PTPRD: variants seen among roughly 807,000 people sequenced by gnomAD.
PTPRD encodes the protein receptor-type tyrosine-protein phosphatase delta.
In PTPRD, 34 loss-of-function variants were observed where a neutral mutation model predicts 214.5. That is an observed-to-expected ratio of 0.16 (90% CI 0.12 to 0.21). The LOEUF (loss-of-function observed/expected upper bound fraction) is 0.21, where lower values mean the gene tolerates loss of function less well. Among genes scored for constraint, PTPRD ranks in the 10% least tolerant of loss-of-function variants. The pLI is 1.00. For missense variants in PTPRD, 2,545 were observed against 2,398.7 expected, an observed-to-expected ratio of 1.06 and a Z score of -1.27; for synonymous variants, 1,128 against 845.7, an observed-to-expected ratio of 1.33 and a Z score of -5.79.
intron 3 of PTPRD, among the ~76,000 whole-genome samples, chr9:10,180,409 G>T (rs1439275623): frequency 6.6e-6 from 1 of 151,646 alleles, no homozygotes; most frequent in Non-Finnish European, 1.5e-5. Flanking sequence ...TGTTCAGTTG[G>T]GTTGAGACAC....
In PTPRD at chr9:9,467,234, T is replaced by TTTTTTTTC. The variant is rs1569568586; in HGVS notation, c.-236-69753_-236-69752insGAAAAAAA. Among the ~76,000 whole-genome samples, 9 of 123,050 alleles carry TTTTTTTTC rather than the reference T, an allele frequency of 7.3e-5. 1 individual carries two copies. In the East Asian group the frequency reaches 8.2e-4, roughly 11 times the overall value. The allele number at this position is 123,050 out of a possible 152,430, so 80.7% of individuals were successfully genotyped here. A position where few individuals can be genotyped will look rare whatever the true frequency, so the allele number is the denominator to read the frequency against. Reference sequence around the variant, plus strand: ...TTATCTTTTTTTTTTTTTTTTTTTTTTTTAACCTAATGCTTCCCAGTTTTT... The same window carrying TTTTTTTTC: ...TTATCTTTTTTTTTTTTTTTTTTTTTTTTTTTTCTTTAACCTAATGCTTCCCAGTTTTT... On this transcript the variant is annotated intron_variant, in intron 8 of 45. Coordinates refer to ENST00000381196, the MANE Select transcript of PTPRD (RefSeq NM_002839.4).
chr9:9,481,637 A>G, intron 8 of PTPRD, among the ~76,000 whole-genome samples: 1 of 152,166 alleles, frequency 6.6e-6, no homozygotes, highest in Middle Eastern at 3.2e-3. Context: ...ATTGTAAAAC[A>G]TACTTGGTAG....
At chr9:8,707,048 T>C (rs974802392) in intron 12 of PTPRD, among the ~76,000 whole-genome samples, 7 of 152,234 alleles carry the variant, frequency 4.6e-5, no homozygotes, top group Non-Finnish European at 8.8e-5. Context: ...CAATTAATGA[T>C]TTAATTACCT....
At chr9:10,057,890 C>G (rs1424895002) in intron 3 of PTPRD, among the ~76,000 whole-genome samples, 3 of 150,752 alleles carry the variant, frequency 2.0e-5, no homozygotes, top group Non-Finnish European at 4.4e-5. Flanking sequence ...TGGAATAATT[C>G]AGGACTTGAA....
At chr9:9,690,080 G>C (rs532045869) in intron 7 of PTPRD, among the ~76,000 whole-genome samples, 1 of 151,826 alleles carries the variant, frequency 6.6e-6, no homozygotes, top group Non-Finnish European at 1.5e-5. Flanking sequence ...ATTTTCCCTA[G>C]TAGCTGTACT....
At chr9:9,934,571 A>G (rs941974399) in intron 5 of PTPRD, among the ~76,000 whole-genome samples, 7 of 151,468 alleles carry the variant, frequency 4.6e-5, no homozygotes, top group African/African-American at 7.3e-5. Context: ...ATCTGAAATT[A>G]TGGCAATAAT....
At chr9:9,486,100 G>A (rs1039749393) in intron 8 of PTPRD, among the ~76,000 whole-genome samples, 6 of 124,878 alleles carry the variant, frequency 4.8e-5, no homozygotes, top group South Asian at 2.7e-4. Context: ...GTGGTGAGTC[G>A]AGATCACGCC....
At chr9:9,331,220 TA>T (rs2042192119) in intron 9 of PTPRD, among the ~76,000 whole-genome samples, 1 of 152,120 alleles carries the variant, frequency 6.6e-6, no homozygotes, top group Admixed American at 6.6e-5. Flanking sequence ...TCCCCTCTTT[TA>T]TAACTTTAGC....
chr9:8,759,984 C>T (rs1039246574), intron 11 of PTPRD, among the ~76,000 whole-genome samples: 3 of 152,148 alleles, frequency 2.0e-5, no homozygotes, highest in African/African-American at 7.2e-5. Context: ...GTCCCTTCTC[C>T]CTACTAATCA....
intron 5 of PTPRD, among the ~76,000 whole-genome samples, chr9:9,908,428 T>A (rs1159151156): frequency 6.6e-6 from 1 of 151,984 alleles, no homozygotes; most frequent in African/African-American, 2.4e-5. Flanking sequence ...AAGTACTGGA[T>A]CCACACCTTG....
At chr9:9,627,393 G>T (rs554583055) in intron 7 of PTPRD, among the ~76,000 whole-genome samples, 1 of 152,288 alleles carries the variant, frequency 6.6e-6, no homozygotes, top group Non-Finnish European at 1.5e-5. Flanking sequence ...GTATTCGTTT[G>T]TCATCTATGT....
At chr9:8,749,856 C>T (rs1020211581) in intron 11 of PTPRD, among the ~76,000 whole-genome samples, 88 of 152,228 alleles carry the variant, frequency 5.8e-4, no homozygotes, top group African/African-American at 2.0e-3. Context: ...AATCACAACA[C>T]TTTGGGAGGC....
chr9:9,575,639 G>C (rs1315044880), intron 7 of PTPRD, among the ~76,000 whole-genome samples: 4 of 141,326 alleles, frequency 2.8e-5, no homozygotes, highest in African/African-American at 1.1e-4. Context: ...AGAATCACTG[G>C]AACCCGGGAG....
chr9:10,081,967 C>A (rs1343837991), intron 3 of PTPRD, among the ~76,000 whole-genome samples: 1 of 151,992 alleles, frequency 6.6e-6, no homozygotes, highest in Non-Finnish European at 1.5e-5. Context: ...ACTTAGGCCA[C>A]AGAGAGATTT....
At chr9:9,701,137 T>C (rs2154411942) in intron 7 of PTPRD, among the ~76,000 whole-genome samples, 1 of 152,282 alleles carries the variant, frequency 6.6e-6, no homozygotes, top group Non-Finnish European at 1.5e-5. Flanking sequence ...CATTGAGAGA[T>C]GTGTATAACC....
At chr9:10,131,996 A>T (rs1419837945) in intron 3 of PTPRD, among the ~76,000 whole-genome samples, 1 of 152,178 alleles carries the variant, frequency 6.6e-6, no homozygotes, top group Non-Finnish European at 1.5e-5. Context: ...CTTCAACTAC[A>T]CACCATTCGG....
intron 5 of PTPRD, among the ~76,000 whole-genome samples, chr9:9,842,298 A>AT (rs138386194): frequency 0.033 from 3,035 of 91,290 alleles, 200 homozygotes; most frequent in African/African-American, 0.04. Context: ...GAAGGAGAGC[A>AT]TTTTTTTTTT....
At chr9:10,529,365 T>C (rs1216533978) in intron 2 of PTPRD, among the ~76,000 whole-genome samples, 3 of 152,150 alleles carry the variant, frequency 2.0e-5, no homozygotes, top group Admixed American at 1.3e-4. Flanking sequence ...GTGGCACATA[T>C]ACACCATGGA....
Position 10,190,419 on chromosome 9 carries a change from AAC to A in PTPRD, c.-545+150542_-545+150543del, listed in dbSNP as rs1275551374. ...AAAAAAAAAAAAAAAAAAAAAAAAAAACAAAAAGTCAAAGTGGGCCAGGCGCT... is the reference window on the plus strand; with the variant it reads ...AAAAAAAAAAAAAAAAAAAAAAAAAAAAAAAGTCAAAGTGGGCCAGGCGCT... On this transcript the variant is annotated intron_variant, in intron 3 of 45. Transcript: ENST00000381196. 2.0e-3 allele frequency among the ~76,000 whole-genome samples: 148 copies of A among 73,242 alleles called. 12 individuals carry two copies. The highest frequency in any genetic ancestry group is 7.9e-3 in the African/African-American group (78 of 9,884). 48.0% of individuals were successfully genotyped at this position (73,242 alleles called of 152,430 possible). A position where few individuals can be genotyped will look rare whatever the true frequency, so the allele number is the denominator to read the frequency against.
Sources: allele counts gnomAD v4.1 joint callset (sites outside exome capture counted in the v4.1 genomes callset), GRCh38; gene constraint gnomAD v4.1.1; transcripts MANE v1.5; gene names NCBI Gene and HGNC (gene_info 2026-07-23, HGNC 2026-07-21).